TUSC3: variants seen among roughly 807,000 people sequenced by gnomAD.
TUSC3 encodes tumor suppressor candidate 3.
In TUSC3, 45 loss-of-function variants were observed where a neutral mutation model predicts 44.8. The observed-to-expected ratio is 1.00, with a 90% CI of 0.79 to 1.29. TUSC3 has a LOEUF of 1.29. Among genes scored for constraint, TUSC3 ranks in the 50% most tolerant of loss-of-function variants. TUSC3 has a pLI of 0.00. For missense variants in TUSC3, 519 were observed against 437.9 expected, an observed-to-expected ratio of 1.19 and a Z score of -1.65; for synonymous variants, 212 against 152.9, an observed-to-expected ratio of 1.39 and a Z score of -2.85.
chr8:15,594,732 C>T (rs1563124155), intron 1 of TUSC3, among the ~76,000 whole-genome samples: 1 of 152,130 alleles, frequency 6.6e-6, no homozygotes. Context: ...GGATACTACT[C>T]TTATGAATCA....
chr8:15,847,773 G>A, the TUSC3 span, among the ~76,000 whole-genome samples: 1 of 152,114 alleles, frequency 6.6e-6, no homozygotes, highest in Admixed American at 6.5e-5. Context: ...TTCTCATAGA[G>A]TAGCAATGGG....
intron 1 of TUSC3, among the ~76,000 whole-genome samples, chr8:15,466,618 T>C (rs1424174439): frequency 2.6e-5 from 4 of 152,182 alleles, no homozygotes; most frequent in Non-Finnish European, 5.9e-5. Flanking sequence ...TTAAGTCATA[T>C]AGTAGCTATC....
chr8:15,522,783 G>T (rs143484363), intron 2 of TUSC3, among the ~76,000 whole-genome samples: 2 of 152,230 alleles, frequency 1.3e-5, no homozygotes, highest in East Asian at 3.9e-4. Context: ...GCAAAAGGAA[G>T]CTCCTTTTCT....
At chr8:15,763,899 A>G (rs1227283389) in intron 10 of TUSC3, among the ~76,000 whole-genome samples, 1 of 152,036 alleles carries the variant, frequency 6.6e-6, no homozygotes, top group Non-Finnish European at 1.5e-5. Context: ...CTACATTACC[A>G]TTTTAAATGC....
Position 15,654,482 on chromosome 8 carries a change from T to C in TUSC3, c.426+3668T>C, listed in dbSNP as rs1006553500. On this transcript the variant is annotated intron_variant, in intron 3 of 10. Transcript: ENST00000503731. Reference sequence around the variant, plus strand: ...AGATATATTTTTTATATATGTTATATATACATGTTGTATGTTATAATCTGT... The same window carrying C: ...AGATATATTTTTTATATATGTTATACATACATGTTGTATGTTATAATCTGT... Among the ~76,000 whole-genome samples the C allele has an allele frequency of 8.5e-5, 13 of 152,324 alleles. 1 individual carries two copies. The highest frequency in any genetic ancestry group is 7.8e-4 in the Admixed American group (12 of 15,302).
chr8:15,618,745 A>G (rs1327462461), intron 1 of TUSC3, among the ~76,000 whole-genome samples: 1 of 152,236 alleles, frequency 6.6e-6, no homozygotes, highest in African/African-American at 2.4e-5. Context: ...ATTATATACT[A>G]TACGTAATTG....
intron 1 of TUSC3, among the ~76,000 whole-genome samples, chr8:15,587,925 A>T (rs932685575): frequency 2.2e-4 from 33 of 152,222 alleles, no homozygotes; most frequent in Middle Eastern, 3.4e-3. Context: ...ATAATATTCT[A>T]TTATATATAT....
chr8:15,588,345 A>T (rs1159665113), intron 1 of TUSC3, among the ~76,000 whole-genome samples: 2 of 151,934 alleles, frequency 1.3e-5, no homozygotes, highest in Non-Finnish European at 2.9e-5. Context: ...CTTGTTGGCC[A>T]TTTGTGTATC....
At chr8:15,488,287 A>G (rs1800760560) in intron 2 of TUSC3, among the ~76,000 whole-genome samples, 2 of 151,760 alleles carry the variant, frequency 1.3e-5, no homozygotes, top group Admixed American at 6.6e-5. Flanking sequence ...GCTTGAGCTC[A>G]GGAGCCCAGG....
intron 1 of TUSC3, among the ~76,000 whole-genome samples, chr8:15,607,719 T>G (rs1201499504): frequency 3.9e-5 from 6 of 152,146 alleles, no homozygotes; most frequent in Admixed American, 3.9e-4. Flanking sequence ...CATTTTAGAG[T>G]AAGCTGGAGA....
intron 1 of TUSC3, among the ~76,000 whole-genome samples, chr8:15,551,878 T>A (rs917328615): frequency 2.6e-5 from 4 of 151,828 alleles, no homozygotes; most frequent in African/African-American, 7.2e-5. Flanking sequence ...AGCATTTGTA[T>A]ACATAGTTCA....
At chr8:15,481,385 G>C (rs773719567) in intron 1 of TUSC3, among the ~76,000 whole-genome samples, 1 of 152,034 alleles carries the variant, frequency 6.6e-6, no homozygotes, top group African/African-American at 2.4e-5. Context: ...TAAAGGACAA[G>C]TTCAGACCCC....
At chr8:15,674,200 T>A (rs2129183605) in intron 6 of TUSC3, among the ~76,000 whole-genome samples, 1 of 152,174 alleles carries the variant, frequency 6.6e-6, no homozygotes, top group East Asian at 1.9e-4. Flanking sequence ...GTAAATTTAA[T>A]TTTCTTCAGA....
intron 9 of TUSC3, among the ~76,000 whole-genome samples, chr8:15,755,348 T>A (rs1413908610): frequency 1.3e-5 from 2 of 152,120 alleles, no homozygotes; most frequent in South Asian, 4.1e-4. Flanking sequence ...ACTCAATAAA[T>A]GTTTGATGCT....
At chr8:15,843,997 T>G in the TUSC3 span, among the ~76,000 whole-genome samples, 1 of 152,128 alleles carries the variant, frequency 6.6e-6, no homozygotes, top group African/African-American at 2.4e-5. Flanking sequence ...CTACCAAATC[T>G]TTCAGAATTC....
intron 6 of TUSC3, among the ~76,000 whole-genome samples, chr8:15,710,977 C>T (rs1303850669): frequency 6.6e-6 from 1 of 151,256 alleles, no homozygotes; most frequent in East Asian, 1.9e-4. Flanking sequence ...GTTAACTAAT[C>T]TGCCACCCAA....
rs869264757 is a variant in TUSC3 at position 15,504,621 on chromosome 8, ATTT to A, written n.189+21157_189+21159del. Among the ~76,000 whole-genome samples the A allele has an allele frequency of 6.3e-3, 127 of 20,180 alleles. 3 individuals are homozygous for A. Among genetic ancestry groups the A allele is most frequent in the African/African-American group, 0.019 (90 of 4,794 alleles). The allele number at this position is 20,180 out of a possible 152,430, so 13.2% of individuals were successfully genotyped here. Reference sequence around the variant, plus strand: ...TATATATATATATATATATATATATATTTTTTTTTTTTTTTTTTTTTAAGTGGG... The same window carrying A: ...TATATATATATATATATATATATATATTTTTTTTTTTTTTTTTTAAGTGGG... On this transcript the variant is annotated intron_variant and non_coding_transcript_variant, in intron 2 of 5. Coordinates refer to the TUSC3 transcript ENST00000503191.
At chr8:15,744,326 A>G (rs73665495) in intron 8 of TUSC3, among the ~76,000 whole-genome samples, 1,937 of 152,230 alleles carry the variant, frequency 0.013, 41 homozygotes, top group African/African-American at 0.044. Flanking sequence ...CACAGGGAAA[A>G]TGTGCTCTGA....
chr8:15,608,386 A>T (rs1394148885), intron 1 of TUSC3, among the ~76,000 whole-genome samples: 2 of 152,092 alleles, frequency 1.3e-5, no homozygotes, highest in Non-Finnish European at 2.9e-5. Context: ...TCTTATAGGG[A>T]TAAATTGAAC....
Sources: allele counts gnomAD v4.1 joint callset (sites outside exome capture counted in the v4.1 genomes callset), GRCh38; gene constraint gnomAD v4.1.1; transcripts MANE v1.5; gene names NCBI Gene and HGNC (gene_info 2026-07-23, HGNC 2026-07-21).